ATP2B1: variants seen among roughly 807,000 people sequenced by gnomAD.
ATP2B1 encodes the protein ATPase plasma membrane Ca2+ transporting 1, also known as plasma membrane calcium-transporting ATPase 1.
Under a neutral mutation model 124.2 loss-of-function variants are expected in ATP2B1, and 14 were observed. The observed-to-expected ratio is 0.11, with a 90% CI of 0.07 to 0.18. The LOEUF is 0.18. ATP2B1 is among the 10% of genes least tolerant of loss of function. ATP2B1 has a pLI of 1.00. For missense variants in ATP2B1, 763 were observed against 1,466.1 expected (o/e 0.52, Z 7.83); for synonymous variants, 449 against 492.4 (o/e 0.91, Z 1.17).
intron 1 of ATP2B1, among the ~76,000 whole-genome samples, chr12:89,656,812 GTCT>G (rs998123362): frequency 6.6e-6 from 1 of 152,058 alleles, no homozygotes; most frequent in Non-Finnish European, 1.5e-5. Context: ...TCCTTGCCCA[GTCT>G]TCTTATTACC....
At chr12:89,659,518 T>A (rs557049241) in intron 1 of ATP2B1, among the ~76,000 whole-genome samples, 1 of 152,300 alleles carries the variant, frequency 6.6e-6, no homozygotes, top group East Asian at 1.9e-4. Flanking sequence ...GACAAAAGGA[T>A]GATTATATCC....
chr12:89,601,236 T>C (rs1381939644), intron 19 of ATP2B1, 90 bp downstream of exon 19: 2 of 915,910 alleles, frequency 2.2e-6, no homozygotes, highest in East Asian at 5.2e-5. Context: ...CCATTTAGAA[T>C]CAAGTAATGA....
intron 2 of ATP2B1, among the ~76,000 whole-genome samples, chr12:89,652,203 CCT>C (rs910002131): frequency 6.6e-6 from 1 of 152,180 alleles, no homozygotes; most frequent in African/African-American, 2.4e-5. Flanking sequence ...TAGAAAAATG[CCT>C]ACTGCGTGGC....
At chr12:89,672,203 C>T (rs986877192) in intron 1 of ATP2B1, among the ~76,000 whole-genome samples, 4 of 152,090 alleles carry the variant, frequency 2.6e-5, no homozygotes, top group Non-Finnish European at 5.9e-5. Context: ...GCCTGTAATC[C>T]CAGCACTTTG....
intron 2 of ATP2B1, among the ~76,000 whole-genome samples, chr12:89,651,738 G>C (rs1885280710): frequency 6.6e-6 from 1 of 152,064 alleles, no homozygotes; most frequent in Non-Finnish European, 1.5e-5. Context: ...TATGTGAACT[G>C]AACTTTTGTA....
intron 1 of ATP2B1, among the ~76,000 whole-genome samples, chr12:89,666,175 C>A (rs538465572): frequency 5.9e-5 from 9 of 152,124 alleles, no homozygotes; most frequent in Non-Finnish European, 1.0e-4. Flanking sequence ...AAGGTAAATT[C>A]TATTTTAAGA....
At chr12:89,701,207 T>C (rs987728067) in intron 1 of ATP2B1, among the ~76,000 whole-genome samples, 3 of 152,212 alleles carry the variant, frequency 2.0e-5, no homozygotes, top group Non-Finnish European at 4.4e-5. Context: ...ACGGCAGCAA[T>C]GATATGATGC....
chr12:89,650,660 C>T (rs1321951062), intron 2 of ATP2B1, among the ~76,000 whole-genome samples: 2 of 152,128 alleles, frequency 1.3e-5, no homozygotes, highest in African/African-American at 4.8e-5. Flanking sequence ...CCACTTGGCA[C>T]CTGCCTTTAA....
intron 1 of ATP2B1, among the ~76,000 whole-genome samples, chr12:89,659,790 G>A (rs1161882599): frequency 6.6e-6 from 1 of 151,792 alleles, no homozygotes; most frequent in Non-Finnish European, 1.5e-5. Flanking sequence ...GGGTCTGGTG[G>A]CAGGCGCCTG....
At chr12:89,592,986 A>G (rs557226542) in intron 20 of ATP2B1, among the ~76,000 whole-genome samples, 5 of 152,068 alleles carry the variant, frequency 3.3e-5, no homozygotes, top group Non-Finnish European at 5.9e-5. Flanking sequence ...TTGCAGCTTT[A>G]CCATCTTTTA....
chr12:89,626,725 A>T (rs1270715572), intron 7 of ATP2B1, 110 bp from the exon 8 acceptor site: 6 of 1,280,014 alleles, frequency 4.7e-6, no homozygotes, highest in Non-Finnish European at 6.3e-6. Context: ...GTAAAGGTAT[A>T]AGCATTCAGC....
intron 3 of ATP2B1, among the ~76,000 whole-genome samples, chr12:89,639,460 T>C (rs1346353440): frequency 6.6e-6 from 1 of 151,932 alleles, no homozygotes; most frequent in Admixed American, 6.6e-5. Context: ...GCCGAGATAG[T>C]GCCACTGCAC....
intron 1 of ATP2B1, among the ~76,000 whole-genome samples, chr12:89,684,138 T>C (rs1055305439): frequency 6.6e-6 from 1 of 152,178 alleles, no homozygotes; most frequent in Non-Finnish European, 1.5e-5. Context: ...TACATGTCTA[T>C]TTTTGGAAAA....
intron 2 of ATP2B1, among the ~76,000 whole-genome samples, chr12:89,652,576 T>G (rs570960996): frequency 6.6e-6 from 1 of 152,226 alleles, no homozygotes; most frequent in African/African-American, 2.4e-5. Context: ...TTCATTTCCT[T>G]GGACGTACAA....
chr12:89,692,943 A>C (rs920831156), intron 1 of ATP2B1, among the ~76,000 whole-genome samples: 1 of 152,208 alleles, frequency 6.6e-6, no homozygotes, highest in African/African-American at 2.4e-5. Flanking sequence ...ACATCATTTC[A>C]CTTAATGTTG....
At chr12:89,619,696 T>C (rs1156239293) in intron 11 of ATP2B1, among the ~76,000 whole-genome samples, 1 of 151,198 alleles carries the variant, frequency 6.6e-6, no homozygotes, top group Admixed American at 6.6e-5. Context: ...ATTCTGCATA[T>C]TAAATAACAA....
intron 20 of ATP2B1, among the ~76,000 whole-genome samples, chr12:89,591,786 A>G (rs918731865): frequency 3.3e-5 from 5 of 152,020 alleles, no homozygotes; most frequent in Admixed American, 1.3e-4. Context: ...GCTGAATGCC[A>G]CAATGAACTC....
At chr12:89,684,092 C>T (rs1467245671) in intron 1 of ATP2B1, among the ~76,000 whole-genome samples, 1 of 152,030 alleles carries the variant, frequency 6.6e-6, no homozygotes, top group Non-Finnish European at 1.5e-5. Flanking sequence ...AAAACACATG[C>T]TACTTTCTGT....
chr12:89,610,538 C>T (rs1275272686), intron 13 of ATP2B1, 30 bp from the exon 14 acceptor site: 4 of 1,550,158 alleles, frequency 2.6e-6, no homozygotes, highest in African/African-American at 1.4e-5. Context: ...TTAAAATATG[C>T]CCAAACATAG....
Sources: allele counts gnomAD v4.1 joint callset (sites outside exome capture counted in the v4.1 genomes callset), GRCh38; gene constraint gnomAD v4.1.1; transcripts MANE v1.5; gene names NCBI Gene and HGNC (gene_info 2026-07-23, HGNC 2026-07-21).